Variants in USH2A observed in about 807,000 individuals in gnomAD.
The protein encoded by USH2A is Usher syndrome 2A (autosomal recessive, mild).
USH2A carries 443 observed loss-of-function variants against 538.9 expected under a neutral mutation model. The observed-to-expected ratio is 0.82, with a 90% CI of 0.76 to 0.89. The LOEUF is 0.89. Ranked by LOEUF, USH2A falls within the 40% of genes least tolerant of loss-of-function variation. The pLI, the probability that USH2A is intolerant of heterozygous loss-of-function variation, is 0.00. For synonymous variants in USH2A, 2,413 were observed against 2,273.5 expected, an observed-to-expected ratio of 1.06 and a Z score of -1.75; for missense variants, 6,633 against 6,324.8, an observed-to-expected ratio of 1.05 and a Z score of -1.65.
intron 46 of USH2A, 80 bp from the exon 47 acceptor site, chr1:215,838,183 T>C (rs910751468): frequency 9.2e-7 from 1 of 1,091,902 alleles, no homozygotes; most frequent in Non-Finnish European, 1.4e-6. Flanking sequence ...CCACCTTCCC[T>C]CATTTCACAT....
intron 52 of USH2A, among the ~76,000 whole-genome samples, chr1:215,785,399 A>T (rs1411995498): frequency 6.6e-6 from 1 of 152,212 alleles, no homozygotes; most frequent in Non-Finnish European, 1.5e-5. Context: ...GTCCCTTTTG[A>T]TGATGGCATT....
chr1:215,877,722 T>C (rs777643074), intron 43 of USH2A, 36 bp downstream of exon 43: 5 of 1,612,600 alleles, frequency 3.1e-6, no homozygotes, highest in East Asian at 4.5e-5. Flanking sequence ...CAGAACTAAA[T>C]GCCAGCATTT....
chr1:215,811,347 A>G (rs778437037), intron 49 of USH2A, among the ~76,000 whole-genome samples: 2 of 152,154 alleles, frequency 1.3e-5, no homozygotes, highest in Admixed American at 6.5e-5. Context: ...GCTTCCATAG[A>G]TAACATCACT....
intron 14 of USH2A, among the ~76,000 whole-genome samples, chr1:216,231,249 T>TGGGA (rs1553318102): frequency 2.4e-5 from 2 of 83,746 alleles, no homozygotes; most frequent in African/African-American, 9.1e-5. Context: ...TATATATATA[T>TGGGA]TATATATATA....
intron 11 of USH2A, among the ~76,000 whole-genome samples, chr1:216,257,719 T>C (rs1203907792): frequency 6.6e-6 from 1 of 152,048 alleles, no homozygotes; most frequent in Non-Finnish European, 1.5e-5. Flanking sequence ...AGCTCACAAA[T>C]GCTGTTTTCA....
At chr1:216,415,674 T>C (rs903180605) in intron 3 of USH2A, among the ~76,000 whole-genome samples, 1 of 151,832 alleles carries the variant, frequency 6.6e-6, no homozygotes, top group African/African-American at 2.4e-5. Context: ...ACACGCACCA[T>C]CACACCTGGC....
intron 61 of USH2A, among the ~76,000 whole-genome samples, chr1:215,715,911 G>T (rs901073916): frequency 1.3e-5 from 2 of 152,160 alleles, no homozygotes; most frequent in Admixed American, 6.5e-5. Flanking sequence ...TGGACCATAT[G>T]GCTCAATTTG....
At chr1:215,862,425 G>C (rs866690214) in intron 44 of USH2A, among the ~76,000 whole-genome samples, 70 of 152,050 alleles carry the variant, frequency 4.6e-4, no homozygotes, top group Middle Eastern at 6.8e-3. Context: ...GGGGTGGGGG[G>C]AGTGGGGAGG....
At chr1:215,705,450 A>C (rs1232141807) in intron 61 of USH2A, among the ~76,000 whole-genome samples, 1 of 152,262 alleles carries the variant, frequency 6.6e-6, no homozygotes, top group African/African-American at 2.4e-5. Flanking sequence ...TTGTGCAGGC[A>C]CAGGAAATGA....
At chr1:215,878,092 C>T (rs1033050968) in intron 42 of USH2A, among the ~76,000 whole-genome samples, 5 of 152,012 alleles carry the variant, frequency 3.3e-5, no homozygotes, top group African/African-American at 1.2e-4. Context: ...GAATCAGTTA[C>T]ATTCGCATTT....
At chr1:216,233,259 T>C (rs1023976397) in intron 13 of USH2A, among the ~76,000 whole-genome samples, 1 of 152,100 alleles carries the variant, frequency 6.6e-6, no homozygotes, top group Non-Finnish European at 1.5e-5. Context: ...TCTTGAGACC[T>C]AAAGGCCTTT....
chr1:215,638,069 T>A (rs560211766), intron 69 of USH2A, among the ~76,000 whole-genome samples: 1 of 152,222 alleles, frequency 6.6e-6, no homozygotes, highest in East Asian at 1.9e-4. Flanking sequence ...TCAATCATAA[T>A]CTTTTATGGA....
At chr1:215,632,817 T>G (rs1423391598) in intron 70 of USH2A, among the ~76,000 whole-genome samples, 1 of 152,118 alleles carries the variant, frequency 6.6e-6, no homozygotes, top group East Asian at 1.9e-4. Context: ...CAAGGAAAAA[T>G]TTTGAAATAT....
intron 16 of USH2A, among the ~76,000 whole-genome samples, chr1:216,203,829 G>T (rs2035051954): frequency 6.6e-6 from 1 of 152,136 alleles, no homozygotes; most frequent in Non-Finnish European, 1.5e-5. Context: ...AGAAGTCATT[G>T]TTACATGTAA....
chr1:216,000,930 A>G (rs1204140233), intron 32 of USH2A, among the ~76,000 whole-genome samples: 2 of 152,170 alleles, frequency 1.3e-5, no homozygotes, highest in Non-Finnish European at 2.9e-5. Flanking sequence ...AGACAACAGG[A>G]GTTGCCTTTG....
At chr1:215,886,982 C>G (rs544151101) in intron 41 of USH2A, among the ~76,000 whole-genome samples, 1 of 152,144 alleles carries the variant, frequency 6.6e-6, no homozygotes, top group East Asian at 1.9e-4. Context: ...CTCAGCCTCC[C>G]GAGTAGCTGG....
intron 38 of USH2A, among the ~76,000 whole-genome samples, chr1:215,907,864 A>C (rs1028004490): frequency 2.0e-5 from 3 of 151,524 alleles, no homozygotes; most frequent in African/African-American, 7.3e-5. Flanking sequence ...AAGATGGATG[A>C]GTTGATGGGG....
intron 9 of USH2A, among the ~76,000 whole-genome samples, chr1:216,312,022 G>C (rs1437783717): frequency 2.0e-5 from 3 of 151,602 alleles, no homozygotes; most frequent in African/African-American, 7.3e-5. Flanking sequence ...ATAAATCTGA[G>C]TTTTCTGACC....
At chr1:215,743,555 G>A (rs1424541626) in intron 58 of USH2A, among the ~76,000 whole-genome samples, 5 of 151,010 alleles carry the variant, frequency 3.3e-5, no homozygotes, top group African/African-American at 1.2e-4. Flanking sequence ...GAGGCCGGGC[G>A]TGGTGGCTCA....
Sources: allele counts gnomAD v4.1 joint callset (sites outside exome capture counted in the v4.1 genomes callset), GRCh38; gene constraint gnomAD v4.1.1; transcripts MANE v1.5; gene names NCBI Gene and HGNC (gene_info 2026-07-23, HGNC 2026-07-21).